The following ABCG1 variants were observed in gnomAD, a reference collection of about 807,000 sequenced individuals.
The protein encoded by ABCG1 is ATP-binding cassette sub-family G member 1.
A neutral mutation model predicts 69.2 loss-of-function variants in ABCG1; 29 were observed. The observed-to-expected ratio is 0.42, with a 90% CI of 0.31 to 0.57. The LOEUF (loss-of-function observed/expected upper bound fraction) is 0.57. ABCG1 is among the 20% of genes least tolerant of loss of function. The pLI is 0.15. For synonymous variants in ABCG1, 370 were observed against 374.8 expected (o/e 0.99, Z 0.15); for missense variants, 718 against 898.1 (o/e 0.80, Z 2.56).
In ABCG1 at chr21:42,287,977, G is replaced by C; in HGVS notation, c.1062G>C (p.Lys354Asn). Residue 354 changes from lysine (K) to asparagine (N), a missense_variant, in exon 9 of 15, where the codon AAG becomes AAC. This residue lies in a region of ABCG1 where 514 missense variants were observed against 574.3 expected (regional missense o/e 0.90). Transcript: ENST00000398449. The surrounding 1 kb of genome is among the most constrained non-coding windows in gnomAD (Gnocchi z 6.2). ...VREGMCDSDHKRDLGGDAEVN... is the reference protein window; with the variant it reads ...VREGMCDSDHNRDLGGDAEVN... ...AGGGCATGTGTGACTCAGACCACAA[G>C]AGAGACCTCGGGGGTGATGCCGAGG... 1 of 1,613,924 alleles carries C rather than the reference G, an allele frequency of 6.2e-7. No homozygotes were observed. Among genetic ancestry groups the C allele is most frequent in the Non-Finnish European group, 8.5e-7 (1 of 1,179,852 alleles).
intron 1 of ABCG1, among the ~76,000 whole-genome samples, chr21:42,224,997 A>G (rs1309965432): frequency 3.3e-5 from 5 of 150,170 alleles, no homozygotes; most frequent in Non-Finnish European, 7.4e-5. Flanking sequence ...TACTCACTTG[A>G]TTGTGAGACC....
In ABCG1 at chr21:42,219,253, C is replaced by T. The variant is rs1369555117; in HGVS notation, c.-10C>T. ...GCCGCCGCCGCCGCCGCCGCCGCCG[C>T]CCCCGGGGCATGGCCTGTCTGATGG... On this transcript the variant is annotated 5_prime_UTR_variant, in exon 1 of 15. Coordinates refer to ENST00000398449, the MANE Select transcript of ABCG1 (RefSeq NM_016818.3). The surrounding 1 kb of genome is among the most constrained non-coding windows in gnomAD (Gnocchi z 5.3). The T allele has an allele frequency of 6.5e-6, 10 of 1,544,890 alleles. No homozygotes were observed. In the Admixed American group the frequency reaches 1.7e-4, roughly 27 times the overall value.
chr21:42,207,846 G>T (rs1015095490), intron 2 of ABCG1, among the ~76,000 whole-genome samples: 1 of 152,246 alleles, frequency 6.6e-6, no homozygotes, highest in East Asian at 1.9e-4. Context: ...ATCACAGGGT[G>T]ATGAGTATCC....
At chr21:42,218,966 G>A (rs931295317), upstream of ABCG1, among the ~76,000 whole-genome samples, 1 of 152,144 alleles carries the variant, frequency 6.6e-6, no homozygotes, top group Admixed American at 6.5e-5. Flanking sequence ...GCGAGGCCTC[G>A]GCTCGGGCCG....
intron 5 of ABCG1, among the ~76,000 whole-genome samples, chr21:42,281,387 G>A (rs2068805510): frequency 6.6e-6 from 1 of 152,222 alleles, no homozygotes; most frequent in African/African-American, 2.4e-5. Context: ...CTGCTTCTGA[G>A]ATGATGCTGG....
chr21:42,275,596 C>T (rs1439746670), intron 4 of ABCG1, among the ~76,000 whole-genome samples: 3 of 152,216 alleles, frequency 2.0e-5, no homozygotes, highest in South Asian at 2.1e-4. Flanking sequence ...GCCACATGCT[C>T]GAGACCCTTC....
At chr21:42,244,074 C>G (rs375630662) in intron 2 of ABCG1, among the ~76,000 whole-genome samples, 228 of 152,286 alleles carry the variant, frequency 1.5e-3, no homozygotes, top group African/African-American at 5.2e-3. Flanking sequence ...CCATCTCGGC[C>G]TCCCAAAGTG....
chr21:42,270,993 G>T lies in ABCG1; in HGVS notation c.287-77G>T, dbSNP rs1284996644. ...AAAGGTTGCCTTTGGCCTTGGTCAT[G>T]TGTACTTGAACATTTGCATATTTAC... On this transcript the variant is annotated intron_variant, in intron 2 of 14. Coordinates refer to ENST00000398449, the MANE Select transcript of ABCG1 (RefSeq NM_016818.3). The T allele has an allele frequency of 5.8e-6, 6 of 1,031,482 alleles. No individual in the cohort carries two copies. The East Asian group carries it at 1.5e-4, about 25-fold the overall frequency. The allele number at this position is 1,031,482 out of a possible 1,614,324, so 63.9% of individuals were successfully genotyped here.
Position 42,273,456 on chromosome 21 carries a change from C to A in ABCG1, c.537+21C>A. 6.3e-7 allele frequency: 1 copy of A among 1,595,242 alleles called. No homozygotes were observed. Among genetic ancestry groups the A allele is most frequent in the Non-Finnish European group, 8.6e-7 (1 of 1,167,434 alleles). ...TGATGGTGAGCTCCGCCCTGCCCCG[C>A]CCCACTCCGCCCCTGCCGCCTGTCC... On this transcript the variant is annotated intron_variant, in intron 4 of 14. Transcript: ENST00000398449. This position sits in a 1 kb window ranked among gnomAD's most constrained non-coding sequence, Gnocchi z 5.3.
At chr21:42,201,629 T>C (rs758382825) in exon 2 of ABCG1, 2 of 1,584,548 alleles carry the variant, frequency 1.3e-6, no homozygotes, top group Non-Finnish European at 1.7e-6. Context: ...AGCCCCGTGC[T>C]CAGCAGACAT....
chr21:42,289,521 A>G (rs2069013337), intron 10 of ABCG1, among the ~76,000 whole-genome samples: 1 of 152,152 alleles, frequency 6.6e-6, no homozygotes, highest in African/African-American at 2.4e-5. Flanking sequence ...ACAATTCCTT[A>G]TAGGGAAGGA....
chr21:42,274,168 G>T (rs2068667945), intron 4 of ABCG1, among the ~76,000 whole-genome samples: 1 of 152,198 alleles, frequency 6.6e-6, no homozygotes, highest in South Asian at 2.1e-4. Flanking sequence ...AGACCGTATG[G>T]GGTTGGTGTA....
At chr21:42,211,312 A>C (rs1025269634), upstream of ABCG1, among the ~76,000 whole-genome samples, 2 of 152,050 alleles carry the variant, frequency 1.3e-5, no homozygotes, top group Non-Finnish European at 2.9e-5. Context: ...TATTTGGTGT[A>C]TCCAACCAGC....
chr21:42,207,850 A>T (rs2067555415), intron 2 of ABCG1, among the ~76,000 whole-genome samples: 1 of 152,194 alleles, frequency 6.6e-6, no homozygotes, highest in African/African-American at 2.4e-5. Flanking sequence ...CAGGGTGATG[A>T]GTATCCTTGT....
intron 2 of ABCG1, chr21:42,256,132 C>A: frequency 7.2e-7 from 1 of 1,382,254 alleles, no homozygotes. Context: ...CCAAGCCTCT[C>A]CCTGTCTTGT....
chr21:42,240,738 G>A (rs971887569), intron 2 of ABCG1, among the ~76,000 whole-genome samples: 6 of 152,218 alleles, frequency 3.9e-5, no homozygotes, highest in Non-Finnish European at 7.3e-5. Flanking sequence ...GTGAGCCACC[G>A]CACCCAGCCA....
intron 3 of ABCG1, among the ~76,000 whole-genome samples, chr21:42,271,759 C>T (rs186796874): frequency 2.0e-5 from 3 of 152,216 alleles, no homozygotes; most frequent in Admixed American, 2.0e-4. Flanking sequence ...GTGGCAGGTG[C>T]TATAATCCCA....
chr21:42,270,712 C>T (rs2068600196), intron 2 of ABCG1, among the ~76,000 whole-genome samples: 1 of 152,174 alleles, frequency 6.6e-6, no homozygotes, highest in Admixed American at 6.5e-5. Context: ...TCTGCCCATA[C>T]TGGCCGAGGG....
At position 42,256,283 on chromosome 21, in the gene ABCG1, A is replaced by T. The variant is rs778978010; in HGVS notation, c.287-14787A>T. The T allele has an allele frequency of 7.2e-6, 11 of 1,519,728 alleles. No individual in the cohort carries two copies. In the South Asian group the frequency reaches 1.4e-4, roughly 19 times the overall value. The allele number at this position is 1,519,728 out of a possible 1,614,324, so 94.1% of individuals were successfully genotyped here. Reference sequence around the variant, plus strand: ...CTTACCTGCCTGCCCTCCCGCCAGGAGGTGGTCTTCCAACTTTTGCCCGGA... The same window carrying T: ...CTTACCTGCCTGCCCTCCCGCCAGGTGGTGGTCTTCCAACTTTTGCCCGGA... On this transcript the variant is annotated intron_variant, in intron 2 of 14. Coordinates refer to ENST00000398449, the MANE Select transcript of ABCG1 (RefSeq NM_016818.3).
Sources: allele counts gnomAD v4.1 joint callset (sites outside exome capture counted in the v4.1 genomes callset), GRCh38; gene constraint gnomAD v4.1.1; regional missense constraint gnomAD v4.1.1; non-coding constraint Gnocchi (gnomAD v3.1); transcripts MANE v1.5; gene names NCBI Gene and HGNC (gene_info 2026-07-23, HGNC 2026-07-21).